Variants in CCNY observed in about 807,000 individuals in gnomAD.
CCNY encodes the protein cyclin Y.
A neutral mutation model predicts 42.8 loss-of-function variants in CCNY; 19 were observed. That is an observed-to-expected ratio of 0.44 (90% CI 0.31 to 0.65). CCNY has a LOEUF of 0.65. Among genes scored for constraint, CCNY ranks in the 30% least tolerant of loss-of-function variants. The pLI is 0.07. For synonymous variants in CCNY, 165 were observed against 162.7 expected (o/e 1.01, Z -0.11); for missense variants, 370 against 437.3 (o/e 0.85, Z 1.37).
At chr10:35,348,483 T>C (rs1380229547) in intron 1 of CCNY, among the ~76,000 whole-genome samples, 2 of 152,224 alleles carry the variant, frequency 1.3e-5, no homozygotes, top group Admixed American at 6.5e-5. Flanking sequence ...CACTTGGCTG[T>C]TGGTTGAGTT....
At chr10:35,295,335 G>A (rs949524949) in intron 3 of CCNY, among the ~76,000 whole-genome samples, 4 of 151,582 alleles carry the variant, frequency 2.6e-5, no homozygotes, top group Admixed American at 1.3e-4. Flanking sequence ...GGGTTCAAGC[G>A]ATTCTCCTGC....
chr10:35,276,018 G>T (rs1363878377), intron 3 of CCNY, among the ~76,000 whole-genome samples: 3 of 152,230 alleles, frequency 2.0e-5, no homozygotes, highest in Non-Finnish European at 4.4e-5. Context: ...AGCAGCCATA[G>T]TTCTTTGCAG....
intron 3 of CCNY, among the ~76,000 whole-genome samples, chr10:35,270,859 G>A (rs369098156): frequency 2.0e-5 from 3 of 151,416 alleles, no homozygotes; most frequent in South Asian, 2.1e-4. Flanking sequence ...CCAAGTAGCT[G>A]GGACTACAGG....
intron 3 of CCNY, among the ~76,000 whole-genome samples, chr10:35,515,151 G>A (rs1192875362): frequency 6.6e-6 from 1 of 152,194 alleles, no homozygotes; most frequent in African/African-American, 2.4e-5. Context: ...CCCCACATAG[G>A]CACTTGAGAG....
intron 4 of CCNY, among the ~76,000 whole-genome samples, chr10:35,524,503 C>CA (rs1564445619): frequency 6.6e-6 from 1 of 152,194 alleles, no homozygotes; most frequent in African/African-American, 2.4e-5. Flanking sequence ...GGTGCGTGCT[C>CA]ATGTCTCTAA....
At chr10:35,366,869 T>G (rs144757952) in intron 1 of CCNY, among the ~76,000 whole-genome samples, 9 of 152,364 alleles carry the variant, frequency 5.9e-5, no homozygotes, top group African/African-American at 1.9e-4. Flanking sequence ...TAAATTTAGA[T>G]AGCCACGTGT....
intron 3 of CCNY, among the ~76,000 whole-genome samples, chr10:35,296,319 C>T (rs1361397613): frequency 6.6e-6 from 1 of 152,206 alleles, no homozygotes; most frequent in Admixed American, 6.5e-5. Context: ...GTGGCTCACG[C>T]CTGTAATTTC....
chr10:35,367,383 A>G (rs1836832263), intron 1 of CCNY, among the ~76,000 whole-genome samples: 1 of 152,236 alleles, frequency 6.6e-6, no homozygotes. Flanking sequence ...GACAGTAAAA[A>G]TGTCTACCTT....
At chr10:35,535,455 T>G (rs1213726168) in intron 7 of CCNY, among the ~76,000 whole-genome samples, 1 of 152,166 alleles carries the variant, frequency 6.6e-6, no homozygotes, top group Non-Finnish European at 1.5e-5. Context: ...AGTGGAATGC[T>G]GAGTTGGTCA....
chr10:35,482,070 G>A (rs1356119688), intron 1 of CCNY, among the ~76,000 whole-genome samples: 2 of 152,166 alleles, frequency 1.3e-5, no homozygotes, highest in Admixed American at 1.3e-4. Flanking sequence ...GGTACTCCGG[G>A]AGAAGTTAGG....
At chr10:35,524,704 T>A (rs933710534) in intron 4 of CCNY, among the ~76,000 whole-genome samples, 3 of 152,224 alleles carry the variant, frequency 2.0e-5, no homozygotes, top group African/African-American at 7.2e-5. Context: ...GAGGAAATTT[T>A]AAAAAATTGT....
rs1217095380 is a variant in CCNY at position 35,305,697 on chromosome 10, T to C, written c.-9+55071T>C. 3.3e-5 allele frequency among the ~76,000 whole-genome samples: 5 copies of C among 152,230 alleles called. No homozygotes were observed. The East Asian group carries it at 9.6e-4, about 29-fold the overall frequency. On this transcript the variant is annotated intron_variant, in intron 3 of 11. Transcript: ENST00000374706. ...CTAATATCTTCTTGTTTCTGAGTAT[T>C]GATGATTGGGTTATGTGGATACTTC...
At chr10:35,381,200 C>CTT (rs1837175678) in intron 1 of CCNY, among the ~76,000 whole-genome samples, 1 of 152,172 alleles carries the variant, frequency 6.6e-6, no homozygotes, top group Non-Finnish European at 1.5e-5. Flanking sequence ...TAAATAATTG[C>CTT]TTTATTGAGT....
At chr10:35,419,719 C>T (rs1358294005) in intron 1 of CCNY, among the ~76,000 whole-genome samples, 2 of 151,932 alleles carry the variant, frequency 1.3e-5, no homozygotes, top group Non-Finnish European at 2.9e-5. Context: ...ATTTTAACTG[C>T]TTTATCTCAT....
intron 2 of CCNY, among the ~76,000 whole-genome samples, chr10:35,485,725 A>AAAAAAAAAAAAAC (rs1839772282): frequency 1.8e-4 from 1 of 5,574 alleles, no homozygotes; most frequent in South Asian, 0.018. Flanking sequence ...ACTCCGTCTC[A>AAAAAAAAAAAAAC]AAAAAAAAAA....
chr10:35,255,850 C>T (rs2095715106), intron 3 of CCNY, among the ~76,000 whole-genome samples: 1 of 152,180 alleles, frequency 6.6e-6, no homozygotes, highest in Non-Finnish European at 1.5e-5. Context: ...CCACCTCAGC[C>T]TCCCAAAATA....
At chr10:35,405,793 G>T (rs969791638) in intron 1 of CCNY, among the ~76,000 whole-genome samples, 1 of 152,212 alleles carries the variant, frequency 6.6e-6, no homozygotes, top group Non-Finnish European at 1.5e-5. Context: ...CCACTAAGCC[G>T]AGAAGATCTG....
In CCNY at chr10:35,535,049, A is replaced by G. The variant is rs186184359; in HGVS notation, c.579+4806A>G. Among the ~76,000 whole-genome samples, 7 of 150,192 alleles carry G rather than the reference A, an allele frequency of 4.7e-5. No individual in the cohort carries two copies. In the East Asian group the frequency reaches 9.9e-4, roughly 21 times the overall value. On this transcript the variant is annotated intron_variant, in intron 7 of 9. Transcript: ENST00000374704. ...TGTGTGTGTATGTATATATAGATCT[A>G]TATATATGCTGCAGCCCTAATCCCT...
chr10:35,306,477 G>A (rs1182621665), intron 3 of CCNY, among the ~76,000 whole-genome samples: 1 of 152,142 alleles, frequency 6.6e-6, no homozygotes, highest in African/African-American at 2.4e-5. Flanking sequence ...CCTGGCTTTC[G>A]GTCCATTCCA....
Sources: allele counts gnomAD v4.1 joint callset (sites outside exome capture counted in the v4.1 genomes callset), GRCh38; gene constraint gnomAD v4.1.1; transcripts MANE v1.5; gene names NCBI Gene and HGNC (gene_info 2026-07-23, HGNC 2026-07-21).